The following CACNA1D variants were observed in gnomAD, a reference collection of about 807,000 sequenced individuals.
CACNA1D encodes calcium voltage-gated channel subunit alpha1 D, also known as voltage-dependent L-type calcium channel subunit alpha-1D.
A neutral mutation model predicts 257.1 loss-of-function variants in CACNA1D; 55 were observed. The ratio of observed to expected loss-of-function variants is 0.21; its 90% confidence interval spans 0.17 to 0.27. The LOEUF (loss-of-function observed/expected upper bound fraction) is 0.27, where lower values mean the gene tolerates loss of function less well. Among genes scored for constraint, CACNA1D ranks in the 10% least tolerant of loss-of-function variants. The pLI is 1.00. For missense variants in CACNA1D, 1,876 were observed against 2,784.0 expected (o/e 0.67, Z 7.34); for synonymous variants, 980 against 1,014.9 (o/e 0.97, Z 0.65).
chr3:53,782,048 A>G (rs1388448917), intron 39 of CACNA1D: 7 of 182,774 alleles, frequency 3.8e-5, no homozygotes, highest in Non-Finnish European at 5.8e-5. Flanking sequence ...ATGTCCCATG[A>G]AAAATAGACA....
At chr3:53,666,249 C>A in intron 6 of CACNA1D, 90 bp from the exon 7 acceptor site, 2 of 1,234,030 alleles carry the variant, frequency 1.6e-6, no homozygotes, top group East Asian at 2.3e-5. Flanking sequence ...TAGGGTGTCC[C>A]GGGCTCTGGC....
intron 7 of CACNA1D, among the ~76,000 whole-genome samples, chr3:53,672,713 T>C (rs1301605172): frequency 2.0e-5 from 3 of 151,488 alleles, no homozygotes; most frequent in African/African-American, 7.3e-5. Context: ...TTTTCCTTCC[T>C]GGGGCCAAAA....
chr3:53,751,632 C>T lies in CACNA1D; in HGVS notation c.3517-117C>T, dbSNP rs1159524384. ...GGTCACTCGTAATCATTTTCACCAT[C>T]GTCCACGGCCCCTTCCCGGGAGCTG... On this transcript the variant is annotated intron_variant, in intron 27 of 47. Coordinates refer to ENST00000350061, the MANE Select transcript of CACNA1D (RefSeq NM_001128840.3). This position sits in a 1 kb window ranked among gnomAD's most constrained non-coding sequence, Gnocchi z 4.3. 5.9e-6 allele frequency: 6 copies of T among 1,013,426 alleles called. No homozygotes were observed. The highest frequency in any genetic ancestry group is 2.4e-5 in the East Asian group (1 of 41,808). The allele number at this position is 1,013,426 out of a possible 1,614,324, so 62.8% of individuals were successfully genotyped here.
intron 32 of CACNA1D, among the ~76,000 whole-genome samples, chr3:53,772,124 C>T (rs1475871362): frequency 6.6e-6 from 1 of 152,182 alleles, no homozygotes; most frequent in Non-Finnish European, 1.5e-5. Context: ...AGTGAAAGGA[C>T]GGGGGATCTG....
chr3:53,783,897 A>G (rs548323402), intron 39 of CACNA1D, among the ~76,000 whole-genome samples: 108 of 152,368 alleles, frequency 7.1e-4, no homozygotes, highest in Non-Finnish European at 1.3e-3. Context: ...TCACCTGGTC[A>G]AGAAGCAGGA....
intron 20 of CACNA1D, among the ~76,000 whole-genome samples, chr3:53,738,221 CTGT>C (rs1429940129): frequency 6.6e-6 from 1 of 152,240 alleles, no homozygotes; most frequent in African/African-American, 2.4e-5. Context: ...CTCCAGGACT[CTGT>C]TGGGACAACC....
Position 53,745,895 on chromosome 3 carries a change from A to T in CACNA1D, c.3167+20A>T. On this transcript the variant is annotated intron_variant, in intron 25 of 47. Transcript: ENST00000350061. ...ATGCAGGTGAGCGTCCTGAGAGTGGAGTAGGGGACTTAGAAGAGCAAATAG... is the reference window on the plus strand; with the variant it reads ...ATGCAGGTGAGCGTCCTGAGAGTGGTGTAGGGGACTTAGAAGAGCAAATAG... 1 of 1,598,890 alleles carries T rather than the reference A, an allele frequency of 6.3e-7. No individual in the cohort carries two copies. Among genetic ancestry groups the T allele is most frequent in the Non-Finnish European group, 8.6e-7 (1 of 1,166,160 alleles).
chr3:53,736,202 G>C (rs752073719), intron 20 of CACNA1D, among the ~76,000 whole-genome samples: 1 of 152,066 alleles, frequency 6.6e-6, no homozygotes, highest in African/African-American at 2.4e-5. Context: ...TTAGCTGAGC[G>C]TGGTGTCACA....
chr3:53,615,307 A>C (rs1271399331), intron 3 of CACNA1D, among the ~76,000 whole-genome samples: 1 of 152,168 alleles, frequency 6.6e-6, no homozygotes, highest in Non-Finnish European at 1.5e-5. Context: ...AAGCCATGGA[A>C]ATAATAAGAG....
chr3:53,808,808 G>T (rs891657371), intron 46 of CACNA1D, 38 bp downstream of exon 46: 23 of 1,600,166 alleles, frequency 1.4e-5, no homozygotes, highest in Non-Finnish European at 1.6e-5. Context: ...ACACCTAGGG[G>T]CACCCCACAT....
chr3:53,506,345 C>T lies in CACNA1D; in HGVS notation c.483+4625C>T, dbSNP rs184117611. ...CCTGTACAGACACCAGCCCCTTTCCCCTGGTTTATAACTGTTGTGGGAAGT... is the reference window on the plus strand; with the variant it reads ...CCTGTACAGACACCAGCCCCTTTCCTCTGGTTTATAACTGTTGTGGGAAGT... On this transcript the variant is annotated intron_variant, in intron 3 of 47. Transcript: ENST00000350061. Among the ~76,000 whole-genome samples, 205 of 152,312 alleles carry T rather than the reference C, an allele frequency of 1.3e-3. 2 individuals carry two copies. The highest frequency in any genetic ancestry group is 3.7e-3 in the African/African-American group (153 of 41,558).
intron 20 of CACNA1D, among the ~76,000 whole-genome samples, chr3:53,736,006 G>C (rs1407430859): frequency 6.6e-6 from 1 of 152,148 alleles, no homozygotes; most frequent in Non-Finnish European, 1.5e-5. Context: ...AGAAATACAA[G>C]TTAGGGAGAT....
chr3:53,762,081 C>A lies in CACNA1D; in HGVS notation c.3870C>A (p.Asp1290Glu), dbSNP rs1471149785. Residue 1290 changes from aspartate to glutamate, a missense_variant and splice_region_variant, in exon 30 of 48, where the codon GAC becomes GAA. By Grantham distance (45) the Asp-to-Glu change is conservative. Coordinates refer to ENST00000350061, the MANE Select transcript of CACNA1D (RefSeq NM_001128840.3). ...SIIDVALSEA[D>E]PTESENVPVP... Reference sequence around the variant, plus strand: ...TAGACGTGGCCCTCAGCGAAGCAGACGTGAGTATGCACCTGGCGTGGCCGC... The same window carrying A: ...TAGACGTGGCCCTCAGCGAAGCAGAAGTGAGTATGCACCTGGCGTGGCCGC... The A allele has an allele frequency of 6.9e-6, 11 of 1,601,752 alleles. No homozygotes were observed. Among genetic ancestry groups the A allele is most frequent in the Non-Finnish European group, 9.4e-6 (11 of 1,168,776 alleles).
intron 3 of CACNA1D, among the ~76,000 whole-genome samples, chr3:53,561,203 C>G (rs2092732219): frequency 6.6e-6 from 1 of 152,160 alleles, no homozygotes; most frequent in Non-Finnish European, 1.5e-5. Flanking sequence ...GCTCTTCACA[C>G]TCTAGGATGG....
In CACNA1D at chr3:53,776,889, C is replaced by T. The variant is rs776702515; in HGVS notation, c.4520C>T (p.Thr1507Ile). The T allele has an allele frequency of 6.2e-7, 1 of 1,614,158 alleles. No individual in the cohort carries two copies. Among genetic ancestry groups the T allele is most frequent in the South Asian group, 1.1e-5 (1 of 91,078 alleles). Residue 1507 changes from threonine to isoleucine, a missense_variant, in exon 37 of 48, where the codon ACT becomes ATT. By Grantham distance (89) the Thr-to-Ile change is moderately conservative (BLOSUM62 -1). Transcript: ENST00000350061. The part of the protein sequence containing the change: ...KGRIKHLDVV[T>I]LLRRIQPPLG... The stretch of plus-strand genomic sequence containing the variant: ...AGGATAAAACACCTTGATGTGGTCA[C>T]TCTGCTTCGACGCATCCAGCCTCCC...
At chr3:53,691,863 TTA>T (rs1157247515) in intron 8 of CACNA1D, among the ~76,000 whole-genome samples, 50 of 109,174 alleles carry the variant, frequency 4.6e-4, no homozygotes, top group African/African-American at 1.0e-3. Context: ...ATAATATATA[TTA>T]TATATATTAC....
chr3:53,656,231 G>T (rs567339642), intron 4 of CACNA1D, among the ~76,000 whole-genome samples: 1 of 152,220 alleles, frequency 6.6e-6, no homozygotes, highest in South Asian at 2.1e-4. Context: ...CAGCTTTGTT[G>T]TTTTGCTTAG....
rs115281959 is a variant in CACNA1D at position 53,731,894 on chromosome 3, A to G, written c.2407-122A>G. On this transcript the variant is annotated intron_variant, in intron 17 of 47. Transcript: ENST00000350061. Reference sequence around the variant, plus strand: ...GACATCTGCCTGTCCCTGCACACTCAAATACAGATGCAGCTTTGGGGAGGA... The same window carrying G: ...GACATCTGCCTGTCCCTGCACACTCGAATACAGATGCAGCTTTGGGGAGGA... The G allele has an allele frequency of 5.8e-3, 4,380 of 750,412 alleles. 122 individuals are homozygous for G. The African/African-American group carries it at 0.066, about 11-fold the overall frequency. The allele number at this position is 750,412 out of a possible 1,614,324, so 46.5% of individuals were successfully genotyped here.
intron 3 of CACNA1D, among the ~76,000 whole-genome samples, chr3:53,552,666 C>G (rs1268541026): frequency 6.6e-6 from 1 of 152,200 alleles, no homozygotes; most frequent in East Asian, 1.9e-4. Context: ...CAGGACATTT[C>G]CCTTTCTTGT....
Sources: allele counts gnomAD v4.1 joint callset (sites outside exome capture counted in the v4.1 genomes callset), GRCh38; gene constraint gnomAD v4.1.1; non-coding constraint Gnocchi (gnomAD v3.1); transcripts MANE v1.5; gene names NCBI Gene and HGNC (gene_info 2026-07-23, HGNC 2026-07-21).